OR1J2: variants seen among roughly 807,000 people sequenced by gnomAD.
OR1J2 encodes the protein olfactory receptor 1J2.
For missense variants in OR1J2, 304 were observed against 246.1 expected (o/e 1.24, Z -1.57); for synonymous variants, 142 against 99.7 (o/e 1.42, Z -2.52).
At chr9:122,563,115 T>C in the OR1J2 span, among the ~76,000 whole-genome samples, 1 of 152,172 alleles carries the variant, frequency 6.6e-6, no homozygotes, top group Non-Finnish European at 1.5e-5. Context: ...ATAATGGATG[T>C]ACTAATTTAT....
At chr9:122,546,996 TA>T in the OR1J2 span, among the ~76,000 whole-genome samples, 1 of 152,168 alleles carries the variant, frequency 6.6e-6, no homozygotes, top group Non-Finnish European at 1.5e-5. Flanking sequence ...CTATGTAATG[TA>T]TTATTGTTAA....
chr9:122,475,933 G>T, the OR1J2 span: 3 of 152,148 alleles, frequency 2.0e-5, no homozygotes. Flanking sequence ...TTGCTACACT[G>T]AGTCACTCTG....
chr9:122,541,158 T>G, the OR1J2 span, among the ~76,000 whole-genome samples: 3 of 152,210 alleles, frequency 2.0e-5, no homozygotes, highest in Non-Finnish European at 4.4e-5. Context: ...TCTTGACTCC[T>G]ACGGAAATCA....
At chr9:122,537,305 T>C in the OR1J2 span, among the ~76,000 whole-genome samples, 18 of 152,192 alleles carry the variant, frequency 1.2e-4, no homozygotes, top group African/African-American at 4.3e-4. Flanking sequence ...TAACATCAGG[T>C]TCTAAGTCAT....
the OR1J2 span, among the ~76,000 whole-genome samples, chr9:122,554,757 T>C: frequency 6.6e-6 from 1 of 152,226 alleles, no homozygotes; most frequent in African/African-American, 2.4e-5. Context: ...AATTAATATA[T>C]GTTATGGTAT....
the OR1J2 span, among the ~76,000 whole-genome samples, chr9:122,525,248 A>G: frequency 6.6e-6 from 1 of 152,172 alleles, no homozygotes; most frequent in Non-Finnish European, 1.5e-5. Flanking sequence ...TAAATGATTC[A>G]CATTTGTACT....
At chr9:122,448,952 A>G in the OR1J2 span, 2 of 149,242 alleles carry the variant, frequency 1.3e-5, no homozygotes, top group Admixed American at 1.3e-4. Context: ...AGCTTGGGCA[A>G]CAGAGCAAGA....
chr9:122,541,395 T>C, the OR1J2 span, among the ~76,000 whole-genome samples: 13 of 152,276 alleles, frequency 8.5e-5, no homozygotes, highest in Admixed American at 5.9e-4. Flanking sequence ...AAGAAAGAGA[T>C]GATAGCTATT....
chr9:122,458,814 A>G, the OR1J2 span, among the ~76,000 whole-genome samples: 1 of 151,940 alleles, frequency 6.6e-6, no homozygotes, highest in Non-Finnish European at 1.5e-5. Context: ...CCATTGTCTC[A>G]TGAAATATTA....
At chr9:122,448,469 C>T in the OR1J2 span, among the ~76,000 whole-genome samples, 2 of 152,260 alleles carry the variant, frequency 1.3e-5, no homozygotes, top group South Asian at 2.1e-4. Flanking sequence ...CTGCAAGAGG[C>T]CTTCCTCTTT....
the OR1J2 span, among the ~76,000 whole-genome samples, chr9:122,542,009 G>T: frequency 6.6e-6 from 1 of 152,194 alleles, no homozygotes; most frequent in Admixed American, 6.5e-5. Context: ...CCTCTCAGAG[G>T]TAATTGCTTT....
chr9:122,555,801 A>G, the OR1J2 span, among the ~76,000 whole-genome samples: 3 of 152,184 alleles, frequency 2.0e-5, no homozygotes, highest in Non-Finnish European at 4.4e-5. Flanking sequence ...TTATGCCCCA[A>G]CACACGCACA....
At chr9:122,492,678 T>C in the OR1J2 span, among the ~76,000 whole-genome samples, 2 of 152,128 alleles carry the variant, frequency 1.3e-5, no homozygotes, top group African/African-American at 4.8e-5. Flanking sequence ...TTGACTTCAT[T>C]CCTCTTTACT....
At chr9:122,478,623 C>T in the OR1J2 span, among the ~76,000 whole-genome samples, 1 of 151,984 alleles carries the variant, frequency 6.6e-6, no homozygotes, top group African/African-American at 2.4e-5. Flanking sequence ...AAGGACATAC[C>T]CACATATTTT....
At chr9:122,555,156 T>A in the OR1J2 span, among the ~76,000 whole-genome samples, 2 of 152,190 alleles carry the variant, frequency 1.3e-5, no homozygotes, top group Non-Finnish European at 2.9e-5. Context: ...CAGTGATAAC[T>A]CACAGAGAAA....
chr9:122,481,643 T>G, the OR1J2 span, among the ~76,000 whole-genome samples: 1 of 152,046 alleles, frequency 6.6e-6, no homozygotes, highest in Admixed American at 6.5e-5. Context: ...AAATAAAAGT[T>G]AAAACAATGG....
the OR1J2 span, among the ~76,000 whole-genome samples, chr9:122,550,051 G>C: frequency 9.8e-4 from 140 of 142,690 alleles, 1 homozygote; most frequent in East Asian, 0.028. Flanking sequence ...GTGTTTTGTA[G>C]TTTTTCTTGT....
At chr9:122,535,484 G>A in the OR1J2 span, among the ~76,000 whole-genome samples, 1 of 152,188 alleles carries the variant, frequency 6.6e-6, no homozygotes, top group Non-Finnish European at 1.5e-5. Flanking sequence ...ACCAGAAAAT[G>A]AAAGGAATTG....
the OR1J2 span, chr9:122,553,373 T>G: frequency 1.2e-6 from 2 of 1,614,108 alleles, no homozygotes; most frequent in Non-Finnish European, 1.7e-6. Context: ...CCATCAGCTC[T>G]GACCCACACC....
Sources: allele counts gnomAD v4.1 joint callset (sites outside exome capture counted in the v4.1 genomes callset), GRCh38; gene constraint gnomAD v4.1.1; transcripts MANE v1.5; gene names NCBI Gene and HGNC (gene_info 2026-07-23, HGNC 2026-07-21).